The following MAP4K3 variants were observed in gnomAD, a reference collection of about 807,000 sequenced individuals.
MAP4K3 encodes mitogen-activated protein kinase kinase kinase kinase 3.
MAP4K3 carries 94 observed loss-of-function variants against 143.5 expected under a neutral mutation model. That is an observed-to-expected ratio of 0.65 (90% CI 0.55 to 0.78). The LOEUF is 0.78. Ranked by LOEUF, MAP4K3 falls within the 30% of genes least tolerant of loss-of-function variation. The pLI is 0.00. For synonymous variants in MAP4K3, 416 were observed against 347.2 expected (o/e 1.20, Z -2.20); for missense variants, 1,077 against 1,068.1 (o/e 1.01, Z -0.12).
intron 1 of MAP4K3, among the ~76,000 whole-genome samples, chr2:39,429,339 A>G (rs1665208959): frequency 6.6e-6 from 1 of 152,334 alleles, no homozygotes; most frequent in South Asian, 2.1e-4. Flanking sequence ...ATGTAAAGGT[A>G]TATCATATTC....
At chr2:39,331,866 T>C in intron 8 of MAP4K3, 51 bp downstream of exon 8, 5 of 1,173,712 alleles carry the variant, frequency 4.3e-6, no homozygotes, top group Non-Finnish European at 6.0e-6. Flanking sequence ...AGAAATGCTA[T>C]ATCCAATAAT....
intron 4 of MAP4K3, 53 bp downstream of exon 4, chr2:39,343,335 T>A: frequency 8.6e-7 from 1 of 1,168,430 alleles, no homozygotes; most frequent in Middle Eastern, 1.9e-4. Context: ...AGTAAATAGC[T>A]GTATTTTAAG....
intron 4 of MAP4K3, among the ~76,000 whole-genome samples, chr2:39,338,833 T>A (rs1258370222): frequency 2.0e-5 from 3 of 152,202 alleles, no homozygotes; most frequent in African/African-American, 7.2e-5. Flanking sequence ...GAGGACACAG[T>A]GTGTGTGCAC....
chr2:39,315,872 G>A (rs1683099553), intron 12 of MAP4K3, among the ~76,000 whole-genome samples: 2 of 151,976 alleles, frequency 1.3e-5, no homozygotes, highest in African/African-American at 4.8e-5. Context: ...TTCAATTTAT[G>A]AATTTTTTTG....
chr2:39,302,155 T>TA (rs1682539710), intron 15 of MAP4K3, among the ~76,000 whole-genome samples: 1 of 152,108 alleles, frequency 6.6e-6, no homozygotes, highest in Non-Finnish European at 1.5e-5. Flanking sequence ...CATAGGCTCA[T>TA]ATAGAGAATA....
chr2:39,251,173 C>T (rs754236753), intron 33 of MAP4K3, among the ~76,000 whole-genome samples: 16 of 152,296 alleles, frequency 1.1e-4, no homozygotes, highest in Middle Eastern at 3.4e-3. Flanking sequence ...CTAGCTGTCC[C>T]TGCAGGCATT....
At chr2:39,280,911 C>A (rs1681491919) in intron 22 of MAP4K3, among the ~76,000 whole-genome samples, 1 of 151,982 alleles carries the variant, frequency 6.6e-6, no homozygotes, top group African/African-American at 2.4e-5. Flanking sequence ...TGGAAAGATT[C>A]ATTAAAAAGC....
Position 39,322,614 on chromosome 2 carries a change from GTGTA to G in MAP4K3, c.918+2900_918+2903del, listed in dbSNP as rs200703334. 2.7e-3 allele frequency among the ~76,000 whole-genome samples: 403 copies of G among 147,596 alleles called. 5 individuals carry two copies. Among genetic ancestry groups the G allele is most frequent in the Admixed American group, 0.018 (270 of 14,830 alleles). Reference sequence around the variant, plus strand: ...TATATGTGTGTGTGTGTGTGTGTGTGTGTATATATGTATATATAGATAAATACAC... The same window carrying G: ...TATATGTGTGTGTGTGTGTGTGTGTGTATATGTATATATAGATAAATACAC... On this transcript the variant is annotated intron_variant, in intron 12 of 33. Coordinates refer to ENST00000263881, the MANE Select transcript of MAP4K3 (RefSeq NM_003618.4).
chr2:39,401,080 G>A lies in MAP4K3; in HGVS notation c.97-22957C>T, dbSNP rs117023611. On this transcript the variant is annotated intron_variant, in intron 1 of 33. Coordinates refer to ENST00000263881, the MANE Select transcript of MAP4K3 (RefSeq NM_003618.4). ...CTAGAGACAGTTTCCAGGCCTCAGT[G>A]CAGGGCAAGGGAACCCAGATGGAGC... Among the ~76,000 whole-genome samples the A allele has an allele frequency of 2.7e-3, 405 of 152,242 alleles. 15 individuals are homozygous for A. The East Asian group carries it at 0.073, about 28-fold the overall frequency.
intron 1 of MAP4K3, among the ~76,000 whole-genome samples, chr2:39,389,397 A>C (rs893451073): frequency 1.3e-5 from 2 of 152,162 alleles, no homozygotes; most frequent in African/African-American, 4.8e-5. Flanking sequence ...CCATGGCTGA[A>C]ATTTTTCCAG....
At chr2:39,392,762 T>C (rs1337632862) in intron 1 of MAP4K3, among the ~76,000 whole-genome samples, 2 of 152,086 alleles carry the variant, frequency 1.3e-5, no homozygotes, top group East Asian at 1.9e-4. Flanking sequence ...TGAGACTGAG[T>C]TGGTTATAAA....
intron 32 of MAP4K3, among the ~76,000 whole-genome samples, chr2:39,254,041 T>C (rs551315360): frequency 2.4e-4 from 36 of 152,314 alleles, no homozygotes; most frequent in African/African-American, 8.4e-4. Flanking sequence ...CAGAGAAATA[T>C]AGGACTCTTT....
At chr2:39,318,660 T>G (rs1683198851) in intron 12 of MAP4K3, among the ~76,000 whole-genome samples, 1 of 152,124 alleles carries the variant, frequency 6.6e-6, no homozygotes, top group Admixed American at 6.6e-5. Flanking sequence ...ATGCATGGTG[T>G]CTATTTTTTT....
intron 2 of MAP4K3, among the ~76,000 whole-genome samples, chr2:39,358,499 G>A (rs983439773): frequency 6.6e-6 from 1 of 152,102 alleles, no homozygotes; most frequent in Non-Finnish European, 1.5e-5. Context: ...ATTTCTAATA[G>A]AATGTATTAG....
chr2:39,298,755 CAGG>C (rs1239016635), intron 16 of MAP4K3, among the ~76,000 whole-genome samples: 1 of 151,958 alleles, frequency 6.6e-6, no homozygotes, highest in Non-Finnish European at 1.5e-5. Flanking sequence ...CACTTGAGGC[CAGG>C]AGTTCGAGAC....
At chr2:39,382,592 T>C (rs1455878010) in intron 1 of MAP4K3, among the ~76,000 whole-genome samples, 3 of 152,304 alleles carry the variant, frequency 2.0e-5, no homozygotes, top group African/African-American at 7.2e-5. Context: ...ATAATTTCAT[T>C]CTAAATCAAC....
chr2:39,342,574 T>C (rs1048049852), intron 4 of MAP4K3, among the ~76,000 whole-genome samples: 2 of 152,202 alleles, frequency 1.3e-5, no homozygotes, highest in African/African-American at 4.8e-5. Flanking sequence ...AGTAAAATAC[T>C]ATTATGTCAA....
intron 2 of MAP4K3, among the ~76,000 whole-genome samples, chr2:39,361,322 C>T (rs1665764254): frequency 6.6e-6 from 1 of 151,910 alleles, no homozygotes; most frequent in Non-Finnish European, 1.5e-5. Context: ...CTATTTTTCC[C>T]CATGTACCAC....
At position 39,361,800 on chromosome 2, in the gene MAP4K3, A is replaced by C. The variant is rs113799398; in HGVS notation, c.155-5461T>G. ...TTTTCATGTTAAATAGCTGTTTGAT[A>C]CTGCAAGTAATTATTTCATTATAAT... On this transcript the variant is annotated intron_variant, in intron 2 of 33. Coordinates refer to ENST00000263881, the MANE Select transcript of MAP4K3 (RefSeq NM_003618.4). Among the ~76,000 whole-genome samples, 210 of 152,036 alleles carry C rather than the reference A, an allele frequency of 1.4e-3. 3 individuals are homozygous for C. The highest frequency in any genetic ancestry group is 4.9e-3 in the African/African-American group (205 of 41,562).
Sources: gnomAD v4.1 joint callset for allele counts (sites outside exome capture counted in the v4.1 genomes callset) on GRCh38, gnomAD v4.1.1 for gene constraint, MANE v1.5 for transcripts, NCBI Gene and HGNC (gene_info 2026-07-23, HGNC 2026-07-21) for gene names.